Variants in SPRED2 observed in about 807,000 individuals in gnomAD.
The protein encoded by SPRED2 is sprouty related EVH1 domain containing 2, also known as sprouty-related, EVH1 domain-containing protein 2.
SPRED2 carries 47 observed loss-of-function variants against 43.0 expected under a neutral mutation model. That is an observed-to-expected ratio of 1.09 (90% CI 0.87 to 1.40). The LOEUF is 1.40. Ranked by LOEUF, SPRED2 falls within the 40% of genes most tolerant of loss-of-function variation. The pLI, the probability that SPRED2 is intolerant of heterozygous loss-of-function variation, is 0.00. For synonymous variants in SPRED2, 225 were observed against 225.7 expected (o/e 1.00, Z 0.03); for missense variants, 561 against 586.4 (o/e 0.96, Z 0.45).
At chr2:65,423,693 CTGGGGTAGATGGA>C (rs1482613552) in intron 1 of SPRED2, among the ~76,000 whole-genome samples, 2 of 152,066 alleles carry the variant, frequency 1.3e-5, no homozygotes, top group African/African-American at 4.8e-5. Flanking sequence ...GGGGACAGAC[CTGGGGTAGATGGA>C]TGCTACTGAA....
intron 4 of SPRED2, among the ~76,000 whole-genome samples, chr2:65,324,323 C>T (rs1156835157): frequency 6.6e-6 from 1 of 152,054 alleles, no homozygotes; most frequent in Non-Finnish European, 1.5e-5. Flanking sequence ...TAATAATGGA[C>T]CTTAATGTTA....
chr2:65,329,449 C>T (rs1673742298), intron 4 of SPRED2, among the ~76,000 whole-genome samples: 1 of 152,220 alleles, frequency 6.6e-6, no homozygotes, highest in South Asian at 2.1e-4. Flanking sequence ...CAATTGATCG[C>T]AGACACCAGG....
At chr2:65,333,693 C>G (rs1673881982) in intron 3 of SPRED2, among the ~76,000 whole-genome samples, 1 of 152,138 alleles carries the variant, frequency 6.6e-6, no homozygotes, top group South Asian at 2.1e-4. Context: ...TTTATTATCT[C>G]TTTTTGGCTA....
At chr2:65,331,860 C>T (rs1255193334) in intron 4 of SPRED2, 127 bp downstream of exon 4, 3 of 664,058 alleles carry the variant, frequency 4.5e-6, no homozygotes, top group Admixed American at 2.9e-5. Flanking sequence ...AGACAGAGAT[C>T]GCTCTGATGC....
chr2:65,407,095 T>C (rs1676042526), intron 1 of SPRED2, among the ~76,000 whole-genome samples: 2 of 151,880 alleles, frequency 1.3e-5, no homozygotes, highest in African/African-American at 2.4e-5. Context: ...GCCCGGCTAA[T>C]TTTTTGTATT....
At chr2:65,372,810 G>A (rs1210055177) in intron 1 of SPRED2, among the ~76,000 whole-genome samples, 2 of 152,176 alleles carry the variant, frequency 1.3e-5, no homozygotes, top group East Asian at 3.8e-4. Context: ...GACTAAGCAT[G>A]CTAGACCCAA....
chr2:65,431,541 G>A (rs1246811079), intron 1 of SPRED2, among the ~76,000 whole-genome samples: 1 of 152,164 alleles, frequency 6.6e-6, no homozygotes, highest in Non-Finnish European at 1.5e-5. Context: ...CTCCGGAGCG[G>A]ACTGCAGGGC....
rs766525483 is a variant in SPRED2 at position 65,316,877 on chromosome 2, T to C, written c.445A>G (p.Thr149Ala). The change falls in exon 5 of 6, where the codon ACA becomes GCA. Residue 149 changes from threonine (T) to alanine (A), a missense_variant. Around this residue, in one of 6 missense-constraint regions of SPRED2, gnomAD observed 305 missense variants for 282.4 expected, o/e 1.08. Coordinates refer to ENST00000356388, the MANE Select transcript of SPRED2 (RefSeq NM_181784.3). ...TGAGAGGAATTAGAAGAACTGTCTG[T>C]AGCTGTCTGTGTAGAGGGAGGTAAC... ...LGDDDVFTTA[T>A]DSSSNSSQKR... 1 of 1,613,734 alleles carries C rather than the reference T, an allele frequency of 6.2e-7. No individual in the cohort carries two copies. Among genetic ancestry groups the C allele is most frequent in the Admixed American group, 1.7e-5 (1 of 59,970 alleles).
At chr2:65,406,256 T>TTAATAAAAA in intron 1 of SPRED2, among the ~76,000 whole-genome samples, 1 of 152,324 alleles carries the variant, frequency 6.6e-6, no homozygotes, top group East Asian at 1.9e-4. Context: ...AAGAAAATGC[T>TTAATAAAAA]GAGAAGCCAG....
At chr2:65,354,188 C>T (rs1674584254) in intron 1 of SPRED2, among the ~76,000 whole-genome samples, 4 of 152,194 alleles carry the variant, frequency 2.6e-5, no homozygotes. Context: ...CCCTGAGTGA[C>T]AGTTCTGGTA....
chr2:65,380,874 A>G (rs1315796940), intron 1 of SPRED2, among the ~76,000 whole-genome samples: 1 of 152,138 alleles, frequency 6.6e-6, no homozygotes, highest in African/African-American at 2.4e-5. Flanking sequence ...ATCTTCTATT[A>G]CATGTTATAT....
intron 1 of SPRED2, among the ~76,000 whole-genome samples, chr2:65,423,171 T>A (rs190318303): frequency 2.0e-3 from 304 of 152,270 alleles, no homozygotes; most frequent in African/African-American, 7.2e-3. Flanking sequence ...ACAAAACATG[T>A]CATAAGCCAA....
At chr2:65,328,536 G>A (rs1673714541) in intron 4 of SPRED2, among the ~76,000 whole-genome samples, 1 of 152,158 alleles carries the variant, frequency 6.6e-6, no homozygotes, top group Admixed American at 6.5e-5. Context: ...GTAGCTGTGA[G>A]GACCAAATGC....
intron 1 of SPRED2, among the ~76,000 whole-genome samples, chr2:65,431,681 G>A (rs932906059): frequency 6.6e-6 from 1 of 152,050 alleles, no homozygotes; most frequent in African/African-American, 2.4e-5. Flanking sequence ...TAAGTCCTCC[G>A]AGAGGGAGCG....
intron 1 of SPRED2, among the ~76,000 whole-genome samples, chr2:65,399,290 T>C (rs957974252): frequency 8.7e-5 from 13 of 149,292 alleles, no homozygotes; most frequent in African/African-American, 3.0e-4. Context: ...AAAAGGTGTA[T>C]ATATATACAC....
intron 1 of SPRED2, among the ~76,000 whole-genome samples, chr2:65,368,223 T>C (rs1357497950): frequency 6.6e-6 from 1 of 152,148 alleles, no homozygotes; most frequent in Non-Finnish European, 1.5e-5. Context: ...CCCTGTCTAA[T>C]AGGACTTCAA....
intron 1 of SPRED2, among the ~76,000 whole-genome samples, chr2:65,350,535 T>C (rs913651085): frequency 6.6e-6 from 1 of 152,166 alleles, no homozygotes; most frequent in Non-Finnish European, 1.5e-5. Flanking sequence ...TGAGCAAAAC[T>C]GGCTGGACTG....
intron 4 of SPRED2, among the ~76,000 whole-genome samples, 159 bp from the exon 5 acceptor site, chr2:65,317,042 G>T (rs916339417): frequency 7.9e-5 from 12 of 152,198 alleles, no homozygotes; most frequent in African/African-American, 2.9e-4. Flanking sequence ...ACAACAGGAG[G>T]ACCCCTGAAT....
At chr2:65,421,505 T>G (rs2103796762) in intron 1 of SPRED2, among the ~76,000 whole-genome samples, 1 of 152,274 alleles carries the variant, frequency 6.6e-6, no homozygotes, top group East Asian at 1.9e-4. Flanking sequence ...TAAGCTCAGG[T>G]TTGAGAAGCA....
Sources: allele counts gnomAD v4.1 joint callset (sites outside exome capture counted in the v4.1 genomes callset), GRCh38; gene constraint gnomAD v4.1.1; regional missense constraint gnomAD v4.1.1; transcripts MANE v1.5; gene names NCBI Gene and HGNC (gene_info 2026-07-23, HGNC 2026-07-21).